Variants in KCNT1 observed in about 807,000 individuals in gnomAD.
KCNT1 encodes the protein potassium sodium-activated channel subfamily T member 1, also known as potassium channel subfamily T member 1.
KCNT1 carries 78 observed loss-of-function variants against 147.8 expected under a neutral mutation model. That is an observed-to-expected ratio of 0.53 (90% CI 0.44 to 0.64). The LOEUF is 0.64. Among genes scored for constraint, KCNT1 ranks in the 30% least tolerant of loss-of-function variants. KCNT1 has a pLI of 0.00. For missense variants in KCNT1, 1,419 were observed against 1,750.3 expected (o/e 0.81, Z 3.38); for synonymous variants, 867 against 748.8 (o/e 1.16, Z -2.58).
chr9:135,741,474 G>A (rs189917814), intron 2 of KCNT1, among the ~76,000 whole-genome samples: 1 of 152,370 alleles, frequency 6.6e-6, no homozygotes, highest in Non-Finnish European at 1.5e-5. Context: ...CGAGAGGGAA[G>A]CTGAGCCGGA....
At chr9:135,780,162 C>A (rs1284733963) in intron 24 of KCNT1, among the ~76,000 whole-genome samples, 2 of 151,946 alleles carry the variant, frequency 1.3e-5, no homozygotes, top group Non-Finnish European at 2.9e-5. Context: ...TCCCCACCTG[C>A]TCAAGCTGGG....
Position 135,784,541 on chromosome 9 carries a change from G to T in KCNT1, c.2950G>T (p.Val984Leu), listed in dbSNP as rs1465054757. 1.6e-6 allele frequency: 2 copies of T among 1,287,780 alleles called. No individual in the cohort carries two copies. The highest frequency in any genetic ancestry group is 2.0e-6 in the Non-Finnish European group (2 of 978,614). The allele number at this position is 1,287,780 out of a possible 1,614,324, so 79.8% of individuals were successfully genotyped here. ...TCCCTCCCTCCCTGGCCAGTCCTTC[G>T]TGAAGGACTACATGATCACCATCAC... is the stretch of plus-strand genomic sequence containing the variant. ...MLDTLLYQSFVKDYMITITRL... is the reference protein window; with the variant it reads ...MLDTLLYQSFLKDYMITITRL... The change falls in exon 26 of 31, where the codon GTG (valine) becomes TTG (leucine). Residue 984 changes from valine (V) to leucine (L), a missense_variant. Physicochemically the swap from Val to Leu is conservative, Grantham distance 32. Coordinates refer to ENST00000371757, the MANE Select transcript of KCNT1 (RefSeq NM_020822.3).
At chr9:135,734,716 C>T (rs988288217) in intron 2 of KCNT1, among the ~76,000 whole-genome samples, 1 of 152,194 alleles carries the variant, frequency 6.6e-6, no homozygotes, top group Non-Finnish European at 1.5e-5. Flanking sequence ...GGTGGGCGCG[C>T]GCGTTTGCCT....
intron 29 of KCNT1, 156 bp from the exon 30 acceptor site, chr9:135,791,641 C>G: frequency 3.0e-6 from 2 of 670,604 alleles, no homozygotes; most frequent in South Asian, 3.4e-5. Flanking sequence ...AGGGATGGGC[C>G]CTGGCTGGGC....
At chr9:135,747,106 C>A (rs1830870422) in intron 2 of KCNT1, among the ~76,000 whole-genome samples, 1 of 152,050 alleles carries the variant, frequency 6.6e-6, no homozygotes, top group Non-Finnish European at 1.5e-5. Flanking sequence ...GGGAGAGAGG[C>A]ACCTGTGGCA....
At chr9:135,703,372 C>T (rs1588240354) in intron 1 of KCNT1, among the ~76,000 whole-genome samples, 1 of 152,160 alleles carries the variant, frequency 6.6e-6, no homozygotes, top group African/African-American at 2.4e-5. Context: ...TCAGTTTCCC[C>T]GAGTGTAAAA....
intron 21 of KCNT1, among the ~76,000 whole-genome samples, chr9:135,777,711 C>A (rs964553141): frequency 6.7e-6 from 1 of 148,272 alleles, no homozygotes; most frequent in Non-Finnish European, 1.5e-5. Context: ...CCTCCCCACA[C>A]CCACTCCTGC....
At chr9:135,723,568 C>T (rs1056009188) in intron 2 of KCNT1, among the ~76,000 whole-genome samples, 17 of 152,198 alleles carry the variant, frequency 1.1e-4, no homozygotes, top group African/African-American at 3.9e-4. Context: ...TGTGCCCACG[C>T]GTCTGCTGCA....
rs1012396551 is a variant in KCNT1, at chr9:135,792,633, C to T, written c.*472C>T. The T allele has an allele frequency of 1.9e-5, 3 of 159,126 alleles. No individual in the cohort carries two copies. Among genetic ancestry groups the T allele is most frequent in the African/African-American group, 7.2e-5 (3 of 41,490 alleles). The allele number at this position is 159,126 out of a possible 1,614,324, so 9.9% of individuals were successfully genotyped here. A position where few individuals can be genotyped will look rare whatever the true frequency, so the allele number is the denominator to read the frequency against. On this transcript the variant is annotated 3_prime_UTR_variant, in exon 31 of 31. Coordinates refer to ENST00000371757, the MANE Select transcript of KCNT1 (RefSeq NM_020822.3). ...AGCCTCGCTTCCTTGCAGCCAAGGGCTGGGGGCCAGGGCTGCTGTTCTGCA... is the reference window on the plus strand; with the variant it reads ...AGCCTCGCTTCCTTGCAGCCAAGGGTTGGGGGCCAGGGCTGCTGTTCTGCA...
At chr9:135,747,493 A>G (rs1312759837) in intron 2 of KCNT1, among the ~76,000 whole-genome samples, 3 of 151,944 alleles carry the variant, frequency 2.0e-5, no homozygotes, top group Non-Finnish European at 4.4e-5. Flanking sequence ...CCCCCCTGAC[A>G]TGGCCAGACC....
chr9:135,767,288 G>A (rs1046899248), intron 13 of KCNT1, among the ~76,000 whole-genome samples: 1 of 152,196 alleles, frequency 6.6e-6, no homozygotes, highest in South Asian at 2.1e-4. Context: ...GGGCAAGGGC[G>A]TAGGCCATTC....
intron 1 of KCNT1, among the ~76,000 whole-genome samples, chr9:135,703,877 G>A (rs1006152382): frequency 4.6e-5 from 7 of 152,166 alleles, no homozygotes; most frequent in Admixed American, 1.3e-4. Flanking sequence ...CCACCGGCCC[G>A]GGACAGCTCC....
Position 135,765,628 on chromosome 9 carries a change from A to C in KCNT1, c.1205A>C (p.Tyr402Ser). The C allele has an allele frequency of 6.2e-7, 1 of 1,609,582 alleles. No homozygotes were observed. Among genetic ancestry groups the C allele is most frequent in the Non-Finnish European group, 8.5e-7 (1 of 1,178,118 alleles). The change falls in exon 13 of 31, where the codon TAT (tyrosine) becomes TCT (serine). Residue 402 changes from tyrosine (Y) to serine (S), a missense_variant. Around this residue, in one of 5 missense-constraint regions of KCNT1, gnomAD observed 401 missense variants for 610.6 expected, o/e 0.66. Transcript: ENST00000371757. ...GACCCTCCGCCTGGCCGGCAGGACT[A>C]TTACGTGGTCATCCTGTGCCCCACG... Reference protein sequence around the residue: ...EFYAHPRLQDYYVVILCPTEM... With the variant: ...EFYAHPRLQDSYVVILCPTEM...
chr9:135,742,664 CATCT>C (rs1159581700), intron 2 of KCNT1: 2 of 702,770 alleles, frequency 2.8e-6, no homozygotes, highest in Non-Finnish European at 5.3e-6. Flanking sequence ...CCAGGCTCTC[CATCT>C]GTCTGTCTAC....
Position 135,775,947 on chromosome 9 carries a change from C to T in KCNT1, c.2349+532C>T, listed in dbSNP as rs187015003. Among the ~76,000 whole-genome samples, 27 of 152,052 alleles carry T rather than the reference C, an allele frequency of 1.8e-4. No homozygotes were observed. In the East Asian group the frequency reaches 4.8e-3, roughly 27 times the overall value. The stretch of plus-strand genomic sequence containing the variant: ...TGGAATGTTCCCTGGGGTCTCTTGA[C>T]CTTAATATTTTTGCAGAGCAGGGAC... On this transcript the variant is annotated intron_variant, in intron 20 of 30. Transcript: ENST00000371757.
intron 1 of KCNT1, among the ~76,000 whole-genome samples, chr9:135,703,627 A>G (rs1362236325): frequency 6.6e-6 from 1 of 152,174 alleles, no homozygotes; most frequent in African/African-American, 2.4e-5. Context: ...GGCACAGAGA[A>G]AATGACCCCA....
chr9:135,745,204 C>T (rs1160900877), intron 2 of KCNT1, among the ~76,000 whole-genome samples: 2 of 152,334 alleles, frequency 1.3e-5, no homozygotes, highest in South Asian at 2.1e-4. Flanking sequence ...ATTCTTCTGC[C>T]CCGTCCTTGC....
chr9:135,708,127 C>T (rs1390154362), intron 1 of KCNT1, among the ~76,000 whole-genome samples: 1 of 152,226 alleles, frequency 6.6e-6, no homozygotes, highest in Non-Finnish European at 1.5e-5. Flanking sequence ...CAGACACCCC[C>T]ACCACAGTGA....
rs752882420 is a variant in KCNT1, at chr9:135,702,237, C to A, written c.-22C>A. 1 of 1,572,572 alleles carries A rather than the reference C, an allele frequency of 6.4e-7. No individual in the cohort carries two copies. The highest frequency in any genetic ancestry group is 1.1e-5 in the South Asian group (1 of 90,168). ...GCTCCCACTCGCTTCTCCCTCGGGT[C>A]GGGTCCGAGCTGCCAGGCCGCATGC... On this transcript the variant is annotated 5_prime_UTR_variant, in exon 1 of 31. Coordinates refer to ENST00000371757, the MANE Select transcript of KCNT1 (RefSeq NM_020822.3).
Sources: allele counts gnomAD v4.1 joint callset (sites outside exome capture counted in the v4.1 genomes callset), GRCh38; gene constraint gnomAD v4.1.1; regional missense constraint gnomAD v4.1.1; transcripts MANE v1.5; gene names NCBI Gene and HGNC (gene_info 2026-07-23, HGNC 2026-07-21).